SYCP3: variants seen among roughly 807,000 people sequenced by gnomAD.
SYCP3 encodes the protein synaptonemal complex protein 3.
Under a neutral mutation model 38.5 loss-of-function variants are expected in SYCP3, and 29 were observed. That is an observed-to-expected ratio of 0.75 (90% CI 0.56 to 1.03). The LOEUF (loss-of-function observed/expected upper bound fraction) is 1.03. SYCP3 is among the 50% of genes least tolerant of loss of function. The pLI is 0.00. For synonymous variants in SYCP3, 79 were observed against 80.3 expected, an observed-to-expected ratio of 0.98 and a Z score of 0.08; for missense variants, 242 against 270.7, an observed-to-expected ratio of 0.89 and a Z score of 0.74.
rs1952053503 is a variant in SYCP3 at position 101,728,879 on chromosome 12, A to G, written c.*48T>C. 1 of 1,611,778 alleles carries G rather than the reference A, an allele frequency of 6.2e-7. No homozygotes were observed. The highest frequency in any genetic ancestry group is 8.5e-7 in the Non-Finnish European group (1 of 1,178,514). ...TACAATATGCTTCTTAGCTAACGTT[A>G]TAATTGTATCATATTACTTAGGTTC... On this transcript the variant is annotated 3_prime_UTR_variant, in exon 9 of 9. Coordinates refer to ENST00000392924, the MANE Select transcript of SYCP3 (RefSeq NM_001177949.2).
At chr12:101,737,456 G>A (rs940177902) in intron 2 of SYCP3, 158 bp from the exon 3 acceptor site, 8 of 746,450 alleles carry the variant, frequency 1.1e-5, no homozygotes, top group Non-Finnish European at 1.7e-5. Context: ...CTGCAGGTTA[G>A]GTGAAATTAA....
chr12:101,739,338 C>T lies in SYCP3; in HGVS notation c.-18+13G>A. 1 of 1,002,828 alleles carries T rather than the reference C, an allele frequency of 1.0e-6. No individual in the cohort carries two copies. The highest frequency in any genetic ancestry group is 4.7e-5 in the South Asian group (1 of 21,384). The allele number at this position is 1,002,828 out of a possible 1,614,324, so 62.1% of individuals were successfully genotyped here. ...GGACACCTGCGATAGACAGACGCCT[C>T]CCCTGCTCACACCTGAAACACACCG... On this transcript the variant is annotated intron_variant, in intron 1 of 8. Transcript: ENST00000392924.
At position 101,733,519 on chromosome 12, in the gene SYCP3, G is replaced by C. The variant is rs1424855494; in HGVS notation, c.453+56C>G. On this transcript the variant is annotated intron_variant, in intron 6 of 8. Transcript: ENST00000392924. ...TTCCACTGGTCACAATAAAAGGCTAGGTTGTCCATTCCTACTTGAGACTTG... is the reference window on the plus strand; with the variant it reads ...TTCCACTGGTCACAATAAAAGGCTACGTTGTCCATTCCTACTTGAGACTTG... 3 of 1,466,796 alleles carry C rather than the reference G, an allele frequency of 2.0e-6. No individual in the cohort carries two copies. In the African/African-American group the frequency reaches 4.2e-5, roughly 20 times the overall value. The allele number at this position is 1,466,796 out of a possible 1,614,324, so 90.9% of individuals were successfully genotyped here.
At chr12:101,734,808 A>G (rs1053955345) in intron 5 of SYCP3, 119 bp downstream of exon 5, 2 of 725,608 alleles carry the variant, frequency 2.8e-6, no homozygotes, top group African/African-American at 3.6e-5. Flanking sequence ...TTGGCCTCCC[A>G]AAGTGCTGGG....
chr12:101,731,903 T>A (rs541202459), intron 6 of SYCP3: 14 of 348,796 alleles, frequency 4.0e-5, no homozygotes, highest in Admixed American at 4.0e-4. Context: ...CATGTCTTAA[T>A]TCTTGGTGAT....
At position 101,735,871 on chromosome 12, in the gene SYCP3, A is replaced by ATATATATATATTTTTTTTTTTTT; in HGVS notation, c.236-828_236-827insAAAAAAAAAAAAATATATATATA. On this transcript the variant is annotated intron_variant, in intron 4 of 8. Transcript: ENST00000392924. ...CAATTTTATATATATATATATATATATTTTTTTTTTTTTAAAGACACGGGG... is the reference window on the plus strand; with the variant it reads ...CAATTTTATATATATATATATATATATATATATATATTTTTTTTTTTTTTTTTTTTTTTTTTAAAGACACGGGG... 2.8e-4 allele frequency among the ~76,000 whole-genome samples: 21 copies of ATATATATATATTTTTTTTTTTTT among 74,754 alleles called. 1 individual carries two copies. The highest frequency in any genetic ancestry group is 4.0e-4 in the Non-Finnish European group (16 of 39,986). 49.0% of individuals were successfully genotyped at this position (74,754 alleles called of 152,430 possible).
At chr12:101,733,244 A>G (rs1016354099) in intron 6 of SYCP3, 10 of 298,398 alleles carry the variant, frequency 3.4e-5, no homozygotes, top group Non-Finnish European at 5.8e-5. Flanking sequence ...CAGAACCCAG[A>G]TGACACTACA....
Position 101,733,520 on chromosome 12 carries a change from G to C in SYCP3, c.453+55C>G, listed in dbSNP as rs138101393. On this transcript the variant is annotated intron_variant, in intron 6 of 8. Transcript: ENST00000392924. ...TCCACTGGTCACAATAAAAGGCTAGGTTGTCCATTCCTACTTGAGACTTGG... is the reference window on the plus strand; with the variant it reads ...TCCACTGGTCACAATAAAAGGCTAGCTTGTCCATTCCTACTTGAGACTTGG... 6.2e-5 allele frequency: 92 copies of C among 1,477,138 alleles called. No individual in the cohort carries two copies. The African/African-American group carries it at 1.0e-3, about 16-fold the overall frequency. The allele number at this position is 1,477,138 out of a possible 1,614,324, so 91.5% of individuals were successfully genotyped here. A position where few individuals can be genotyped will look rare whatever the true frequency, so the allele number is the denominator to read the frequency against.
chr12:101,731,324 G>A (rs1952181812), intron 7 of SYCP3, among the ~76,000 whole-genome samples: 1 of 152,072 alleles, frequency 6.6e-6, no homozygotes, highest in Non-Finnish European at 1.5e-5. Flanking sequence ...TTTTATGCAT[G>A]ATAAGTATAT....
At chr12:101,734,618 C>CA (rs1172428336) in intron 5 of SYCP3, among the ~76,000 whole-genome samples, 1 of 152,010 alleles carries the variant, frequency 6.6e-6, no homozygotes, top group African/African-American at 2.4e-5. Flanking sequence ...TTTTTTTTGA[C>CA]AGAGTCTCAC....
At position 101,734,919 on chromosome 12, in the gene SYCP3, C is replaced by G. The variant is rs751854918; in HGVS notation, c.353+8G>C. 1.3e-6 allele frequency: 2 copies of G among 1,582,866 alleles called. No individual in the cohort carries two copies. Among genetic ancestry groups the G allele is most frequent in the Non-Finnish European group, 1.7e-6 (2 of 1,151,994 alleles). ...AATGTGGCTCTAAAAAAAAAGCAAC[C>G]ACCTTACCTTTGATCTTGTTGTGTT... On this transcript the variant is annotated splice_region_variant and intron_variant, in intron 5 of 8. Transcript: ENST00000392924.
At chr12:101,734,607 GT>G (rs1006780793) in intron 5 of SYCP3, among the ~76,000 whole-genome samples, 3 of 151,730 alleles carry the variant, frequency 2.0e-5, no homozygotes, top group African/African-American at 7.3e-5. Context: ...TTCTTTTCTT[GT>G]TTTTTTTGAC....
intron 6 of SYCP3, 69 bp downstream of exon 6, chr12:101,733,506 C>G: frequency 7.2e-7 from 1 of 1,395,122 alleles, no homozygotes; most frequent in Non-Finnish European, 1.0e-6. Flanking sequence ...CCACTGGTCA[C>G]AATAAAAGGC....
chr12:101,730,606 A>T (rs1952151262), intron 7 of SYCP3: 1 of 328,592 alleles, frequency 3.0e-6, no homozygotes, highest in Admixed American at 4.4e-5. Context: ...TGATCCTCCC[A>T]CCTCAGCCTT....
chr12:101,737,627 A>G, intron 2 of SYCP3, 176 bp downstream of exon 2: 1 of 851,758 alleles, frequency 1.2e-6, no homozygotes, highest in Admixed American at 2.2e-5. Context: ...ATAAGGATCA[A>G]ATGAGAAACA....
intron 5 of SYCP3, 84 bp from the exon 6 acceptor site, chr12:101,733,758 ACT>A: frequency 8.0e-7 from 1 of 1,257,556 alleles, no homozygotes; most frequent in Non-Finnish European, 1.1e-6. Context: ...ACACAGTTAT[ACT>A]ATATAAGAAA....
chr12:101,735,871 A>ATATATATATATATTTTTTTTTTT, intron 4 of SYCP3, among the ~76,000 whole-genome samples: 6 of 74,754 alleles, frequency 8.0e-5, no homozygotes, highest in African/African-American at 3.1e-4. Context: ...ATATATATAT[A>ATATATATATATATTTTTTTTTTT]TTTTTTTTTT....
At chr12:101,738,273 A>G (rs377546796) in intron 1 of SYCP3, among the ~76,000 whole-genome samples, 1 of 150,694 alleles carries the variant, frequency 6.6e-6, no homozygotes, top group African/African-American at 2.4e-5. Flanking sequence ...AAAAAAAAAA[A>G]CAAAATTAAC....
chr12:101,733,386 AC>A, intron 6 of SYCP3, 188 bp downstream of exon 6: 1 of 542,848 alleles, frequency 1.8e-6, no homozygotes, highest in Non-Finnish European at 3.3e-6. Context: ...GGAACCCCAA[AC>A]AATATAAATG....
Sources: gnomAD v4.1 joint callset for allele counts (sites outside exome capture counted in the v4.1 genomes callset) on GRCh38, gnomAD v4.1.1 for gene constraint, MANE v1.5 for transcripts, NCBI Gene and HGNC (gene_info 2026-07-23, HGNC 2026-07-21) for gene names.